Variants in PIK3CG observed in about 807,000 individuals in gnomAD.
PIK3CG encodes phosphatidylinositol 4,5-bisphosphate 3-kinase catalytic subunit gamma isoform.
Under a neutral mutation model 102.3 loss-of-function variants are expected in PIK3CG, and 55 were observed. That is an observed-to-expected ratio of 0.54 (90% CI 0.43 to 0.67). PIK3CG has a LOEUF of 0.67. PIK3CG is among the 30% of genes least tolerant of loss of function. The probability of loss-of-function intolerance (pLI) is 0.00; values close to 1 mark genes in which losing one functional copy is unlikely to be tolerated. For missense variants in PIK3CG, 1,258 were observed against 1,391.8 expected, an observed-to-expected ratio of 0.90 and a Z score of 1.53; for synonymous variants, 552 against 540.0, an observed-to-expected ratio of 1.02 and a Z score of -0.31.
rs1349889705 is a variant in PIK3CG at position 106,893,772 on chromosome 7, C to A, written c.3030+7480C>A. Among the ~76,000 whole-genome samples, 2 of 152,182 alleles carry A rather than the reference C, an allele frequency of 1.3e-5. No homozygotes were observed. The highest frequency in any genetic ancestry group is 6.5e-5 in the Admixed American group (1 of 15,282). On this transcript the variant is annotated intron_variant, in intron 10 of 10. Coordinates refer to ENST00000496166, the MANE Select transcript of PIK3CG (RefSeq NM_001282426.2). This position sits in a 1 kb window ranked among gnomAD's most constrained non-coding sequence, Gnocchi z 4.4. Reference sequence around the variant, plus strand: ...CATTGCTTAACAGTGGGGATACATACAGAGAAATGCATCATTAGGCAATTT... The same window carrying A: ...CATTGCTTAACAGTGGGGATACATAAAGAGAAATGCATCATTAGGCAATTT...
rs1791369953 is a variant in PIK3CG at position 106,895,068 on chromosome 7, A to T, written c.3030+8776A>T. ...TGTACTACGTAGGCTCAATCTATTT[A>T]TTAGCTACTAATGGAGAATGTTCTA... On this transcript the variant is annotated intron_variant, in intron 10 of 10. Coordinates refer to ENST00000496166, the MANE Select transcript of PIK3CG (RefSeq NM_001282426.2). The surrounding 1 kb of genome is among the most constrained non-coding windows in gnomAD (Gnocchi z 5.4). 6.6e-6 allele frequency among the ~76,000 whole-genome samples: 1 copy of T among 152,248 alleles called. No homozygotes were observed. Among genetic ancestry groups the T allele is most frequent in the African/African-American group, 2.4e-5 (1 of 41,464 alleles).
chr7:106,865,687 T>C (rs1790257108), intron 1 of PIK3CG: 1 of 152,220 alleles, frequency 6.6e-6, no homozygotes, highest in Non-Finnish European at 1.5e-5. Flanking sequence ...TTCCTACAAG[T>C]GCATGCTTCA....
chr7:106,870,883 A>G (rs1019391967), intron 2 of PIK3CG, among the ~76,000 whole-genome samples: 2 of 152,230 alleles, frequency 1.3e-5, no homozygotes, highest in Non-Finnish European at 2.9e-5. Context: ...ATATTTGTAT[A>G]ACACTAAAGA....
rs569298618 is a variant in PIK3CG at position 106,879,493 on chromosome 7, G to A, written c.2392-26G>A. Reference sequence around the variant, plus strand: ...GTATATTCGTTATTCATTGTGTGTGGGGAATATGTGACTGCTTCCTTACAG... The same window carrying A: ...GTATATTCGTTATTCATTGTGTGTGAGGAATATGTGACTGCTTCCTTACAG... On this transcript the variant is annotated intron_variant, in intron 5 of 10. Coordinates refer to ENST00000496166, the MANE Select transcript of PIK3CG (RefSeq NM_001282426.2). This position sits in a 1 kb window ranked among gnomAD's most constrained non-coding sequence, Gnocchi z 4.9. The A allele has an allele frequency of 2.8e-4, 451 of 1,594,864 alleles. 3 individuals carry two copies. In the South Asian group the frequency reaches 3.7e-3, roughly 13 times the overall value.
intron 10 of PIK3CG, among the ~76,000 whole-genome samples, chr7:106,889,270 A>G (rs1298941320): frequency 6.6e-6 from 1 of 152,188 alleles, no homozygotes; most frequent in African/African-American, 2.4e-5. Flanking sequence ...ACATACATAT[A>G]TGCAGAATTT....
At chr7:106,882,267 C>A (rs2116539285) in intron 7 of PIK3CG, 60 bp downstream of exon 7, 3 of 761,632 alleles carry the variant, frequency 3.9e-6, no homozygotes, top group Non-Finnish European at 4.3e-6. Context: ...GATTATAATT[C>A]CTTCAGTGTA....
chr7:106,886,201 AAGAG>A lies in PIK3CG; in HGVS notation c.2944_2947del (p.Arg982CysfsTer5). 6.2e-7 allele frequency: 1 copy of A among 1,614,094 alleles called. No homozygotes were observed. The highest frequency in any genetic ancestry group is 8.5e-7 in the Non-Finnish European group (1 of 1,179,930). ...TACAAAAGTTTCCTGGGCATTAATA[AAGAG>A]AGAGTGCCATTTGTGCTAACCCCTG... is the stretch of plus-strand genomic sequence containing the variant. On this transcript the variant is annotated frameshift_variant, in exon 10 of 11. Transcript: ENST00000496166. LOFTEE classifies it high-confidence loss of function.
chr7:106,870,333 G>A (rs1790489968), intron 2 of PIK3CG, among the ~76,000 whole-genome samples: 1 of 152,154 alleles, frequency 6.6e-6, no homozygotes, highest in Non-Finnish European at 1.5e-5. Context: ...GTTTAGTTAA[G>A]AAGTTAAAGA....
chr7:106,905,731 G>T lies in PIK3CG; in HGVS notation c.*344G>T. On this transcript the variant is annotated 3_prime_UTR_variant, in exon 11 of 11. Coordinates refer to ENST00000496166, the MANE Select transcript of PIK3CG (RefSeq NM_001282426.2). This position sits in a 1 kb window ranked among gnomAD's most constrained non-coding sequence, Gnocchi z 5.6. ...CTTCTGGAAATTCTTTGGAATAATT[G>T]ATGACATCTATTTTCATCTGGGTTT... 3.4e-6 allele frequency: 1 copy of T among 292,194 alleles called. No homozygotes were observed. Among genetic ancestry groups the T allele is most frequent in the Non-Finnish European group, 6.4e-6 (1 of 156,610 alleles). 18.1% of individuals were successfully genotyped at this position (292,194 alleles called of 1,614,324 possible). A position where few individuals can be genotyped will look rare whatever the true frequency, so the allele number is the denominator to read the frequency against.
In PIK3CG at chr7:106,908,913, G is replaced by C. The variant is rs1791757902; in HGVS notation, c.*3526G>C. Among the ~76,000 whole-genome samples, 1 of 152,066 alleles carries C rather than the reference G, an allele frequency of 6.6e-6. No homozygotes were observed. The highest frequency in any genetic ancestry group is 1.5e-5 in the Non-Finnish European group (1 of 68,004). On this transcript the variant is annotated 3_prime_UTR_variant, in exon 11 of 11. Transcript: ENST00000496166. The surrounding 1 kb of genome is among the most constrained non-coding windows in gnomAD (Gnocchi z 4.1). ...ACTTGTATTTTTAAGTGTTCTGTTG[G>C]CTTATTTTCTGTTTCATCCAACTCA...
Position 106,905,531 on chromosome 7 carries a change from C to A in PIK3CG, c.*144C>A. 1.4e-6 allele frequency: 1 copy of A among 720,470 alleles called. No homozygotes were observed. The highest frequency in any genetic ancestry group is 2.3e-6 in the Non-Finnish European group (1 of 442,660). 44.6% of individuals were successfully genotyped at this position (720,470 alleles called of 1,614,324 possible). A position where few individuals can be genotyped will look rare whatever the true frequency, so the allele number is the denominator to read the frequency against. ...GCTCTTTTCCTACCTGAACTCTTCC[C>A]TGGAGAAAAGATGTTGGCATTGCTG... On this transcript the variant is annotated 3_prime_UTR_variant, in exon 11 of 11. Transcript: ENST00000496166. The surrounding 1 kb of genome is among the most constrained non-coding windows in gnomAD (Gnocchi z 5.6).
intron 6 of PIK3CG, among the ~76,000 whole-genome samples, chr7:106,881,592 A>T (rs962359518): frequency 6.6e-5 from 10 of 152,174 alleles, no homozygotes; most frequent in Admixed American, 5.2e-4. Context: ...CACGCCTGTA[A>T]TCCCAGCACT....
chr7:106,868,145 T>G lies in PIK3CG; in HGVS notation c.584T>G (p.Leu195Arg), dbSNP rs771976712. The G allele has an allele frequency of 1.2e-6, 2 of 1,613,336 alleles. No individual in the cohort carries two copies. Among genetic ancestry groups the G allele is most frequent in the Non-Finnish European group, 1.7e-6 (2 of 1,179,996 alleles). ...GAGGTGGCCAGCCGCGACCCCAAGCTCTACGCCATGCACCCGTGGGTGACG... is the reference window on the plus strand; with the variant it reads ...GAGGTGGCCAGCCGCGACCCCAAGCGCTACGCCATGCACCCGTGGGTGACG... ...MAEVASRDPK[L>R]YAMHPWVTSK... is the part of the protein sequence containing the mutation. Residue 195 changes from leucine to arginine, a missense_variant, in exon 2 of 11, where the codon CTC (leucine) becomes CGC (arginine). By Grantham distance (102) the Leu-to-Arg change is moderately radical. Coordinates refer to ENST00000496166, the MANE Select transcript of PIK3CG (RefSeq NM_001282426.2). The surrounding 1 kb of genome is among the most constrained non-coding windows in gnomAD (Gnocchi z 6.2).
chr7:106,883,168 G>T lies in PIK3CG; in HGVS notation c.2760+5G>T. 6.2e-7 allele frequency: 1 copy of T among 1,614,026 alleles called. No individual in the cohort carries two copies. On this transcript the variant is annotated splice_donor_5th_base_variant and intron_variant, in intron 8 of 10. Coordinates refer to ENST00000496166, the MANE Select transcript of PIK3CG (RefSeq NM_001282426.2). This position sits in a 1 kb window ranked among gnomAD's most constrained non-coding sequence, Gnocchi z 5.8. ...AAATCCCCTACTGAAGAAAAGGTGA[G>T]CTCATGCTTTTTCCCAGTCTAATGG... is the stretch of plus-strand genomic sequence containing the variant.
Position 106,879,006 on chromosome 7 carries a change from G to C in PIK3CG, c.2392-513G>C, listed in dbSNP as rs79591788. On this transcript the variant is annotated intron_variant, in intron 5 of 10. Transcript: ENST00000496166. The surrounding 1 kb of genome is among the most constrained non-coding windows in gnomAD (Gnocchi z 4.9). ...ATTTATTTAGATGTATGAGGTTTAG[G>C]GGGAGGGCGTGTTGTACCTAAATGC... 3.3e-5 allele frequency among the ~76,000 whole-genome samples: 5 copies of C among 152,142 alleles called. No homozygotes were observed. The highest frequency in any genetic ancestry group is 2.0e-4 in the Admixed American group (3 of 15,274).
chr7:106,906,892 A>G lies in PIK3CG; in HGVS notation c.*1505A>G. 3 of 226,680 alleles carry G rather than the reference A, an allele frequency of 1.3e-5. No homozygotes were observed. Among genetic ancestry groups the G allele is most frequent in the Non-Finnish European group, 1.7e-5 (2 of 114,904 alleles). The allele number at this position is 226,680 out of a possible 1,614,324, so 14.0% of individuals were successfully genotyped here. A position where few individuals can be genotyped will look rare whatever the true frequency, so the allele number is the denominator to read the frequency against. On this transcript the variant is annotated 3_prime_UTR_variant, in exon 11 of 11. Coordinates refer to ENST00000496166, the MANE Select transcript of PIK3CG (RefSeq NM_001282426.2). ...AAGGTTCCTAAGCCTGGCTGCAAAGAAGAATCAACAGGGACACTTTTTAAA... is the reference window on the plus strand; with the variant it reads ...AAGGTTCCTAAGCCTGGCTGCAAAGGAGAATCAACAGGGACACTTTTTAAA...
rs2116526297 is a variant in PIK3CG, at chr7:106,879,730, C to T, written c.2538+65C>T. On this transcript the variant is annotated intron_variant, in intron 6 of 10. Coordinates refer to ENST00000496166, the MANE Select transcript of PIK3CG (RefSeq NM_001282426.2). The surrounding 1 kb of genome is among the most constrained non-coding windows in gnomAD (Gnocchi z 4.9). ...AATTCTATATTACATCAAAAACATGCTTTCTCCTACTGGCTCTATTCCCAC... is the reference window on the plus strand; with the variant it reads ...AATTCTATATTACATCAAAAACATGTTTTCTCCTACTGGCTCTATTCCCAC... The T allele has an allele frequency of 3.4e-6, 4 of 1,168,902 alleles. No homozygotes were observed. Among genetic ancestry groups the T allele is most frequent in the East Asian group, 2.4e-5 (1 of 42,378 alleles). 72.4% of individuals were successfully genotyped at this position (1,168,902 alleles called of 1,614,324 possible). A position where few individuals can be genotyped will look rare whatever the true frequency, so the allele number is the denominator to read the frequency against.
chr7:106,895,554 A>G lies in PIK3CG; in HGVS notation c.3030+9262A>G, dbSNP rs1275484519. Among the ~76,000 whole-genome samples the G allele has an allele frequency of 6.6e-6, 1 of 152,210 alleles. No homozygotes were observed. Among genetic ancestry groups the G allele is most frequent in the African/African-American group, 2.4e-5 (1 of 41,454 alleles). ...ATCCTGCCCACCTCAGTGGGCCAGC[A>G]CCATGACAGCCTCCCTTTGACACTG... On this transcript the variant is annotated intron_variant, in intron 10 of 10. Coordinates refer to ENST00000496166, the MANE Select transcript of PIK3CG (RefSeq NM_001282426.2). This position sits in a 1 kb window ranked among gnomAD's most constrained non-coding sequence, Gnocchi z 5.4.
chr7:106,904,080 T>G (rs977126179), intron 10 of PIK3CG, among the ~76,000 whole-genome samples: 1 of 152,132 alleles, frequency 6.6e-6, no homozygotes, highest in Non-Finnish European at 1.5e-5. Context: ...GATTTCATAC[T>G]TCACTTCTTT....
Sources: gnomAD v4.1 joint callset for allele counts (sites outside exome capture counted in the v4.1 genomes callset) on GRCh38, gnomAD v4.1.1 for gene constraint, Gnocchi (gnomAD v3.1) non-coding constraint, MANE v1.5 for transcripts, NCBI Gene and HGNC (gene_info 2026-07-23, HGNC 2026-07-21) for gene names.